FAM216A: variants seen among roughly 807,000 people sequenced by gnomAD.
FAM216A encodes the protein protein FAM216A.
Under a neutral mutation model 37.6 loss-of-function variants are expected in FAM216A, and 26 were observed. The observed-to-expected ratio is 0.69, with a 90% CI of 0.51 to 0.96. The LOEUF (loss-of-function observed/expected upper bound fraction) is 0.96, where lower values mean the gene tolerates loss of function less well. Ranked by LOEUF, FAM216A falls within the 40% of genes least tolerant of loss-of-function variation. The pLI, the probability that FAM216A is intolerant of heterozygous loss-of-function variation, is 0.00. For synonymous variants in FAM216A, 110 were observed against 121.7 expected, an observed-to-expected ratio of 0.90 and a Z score of 0.64; for missense variants, 326 against 339.3, an observed-to-expected ratio of 0.96 and a Z score of 0.31.
intron 2 of FAM216A, among the ~76,000 whole-genome samples, chr12:110,473,656 A>G (rs998108213): frequency 6.6e-6 from 1 of 152,204 alleles, no homozygotes; most frequent in Admixed American, 6.5e-5. Flanking sequence ...GTGAATCCTA[A>G]AAGAACTGTA....
At chr12:110,486,997 C>T (rs1388900376) in intron 5 of FAM216A, 2 of 348,510 alleles carry the variant, frequency 5.7e-6, no homozygotes, top group Non-Finnish European at 1.1e-5. Context: ...TCCCAAAGCA[C>T]TGGGATTACA....
intron 2 of FAM216A, among the ~76,000 whole-genome samples, chr12:110,481,344 T>C (rs1023226591): frequency 5.3e-5 from 8 of 152,142 alleles, no homozygotes; most frequent in Non-Finnish European, 1.0e-4. Flanking sequence ...GGCACTGCCA[T>C]ACTATTTTTC....
chr12:110,469,632 C>T (rs181417262), intron 1 of FAM216A, among the ~76,000 whole-genome samples: 4 of 152,170 alleles, frequency 2.6e-5, no homozygotes, highest in Admixed American at 2.6e-4. Context: ...GCCTCAGCCT[C>T]CCGAGTAGCT....
Position 110,486,515 on chromosome 12 carries a change from C to G in FAM216A, c.437-19C>G, listed in dbSNP as rs761801168. On this transcript the variant is annotated intron_variant, in intron 4 of 6. Transcript: ENST00000377673. ...TACAATTAGTGAGAGGGTCTTTTAACAGGTGATTTGTATCACAGGTGTCCT... is the reference window on the plus strand; with the variant it reads ...TACAATTAGTGAGAGGGTCTTTTAAGAGGTGATTTGTATCACAGGTGTCCT... The G allele has an allele frequency of 1.1e-5, 18 of 1,609,046 alleles. No homozygotes were observed.
At chr12:110,486,862 G>C in intron 5 of FAM216A, 145 bp downstream of exon 5, 1 of 710,566 alleles carries the variant, frequency 1.4e-6, no homozygotes. Context: ...CTCAAGCAAT[G>C]CTCCTGCCTC....
chr12:110,481,086 T>C (rs1414966200), intron 2 of FAM216A, among the ~76,000 whole-genome samples: 1 of 152,226 alleles, frequency 6.6e-6, no homozygotes, highest in Non-Finnish European at 1.5e-5. Context: ...TATTGTACCA[T>C]GTGTCTGAAT....
chr12:110,479,952 T>C (rs2062736653), intron 2 of FAM216A, among the ~76,000 whole-genome samples: 1 of 152,092 alleles, frequency 6.6e-6, no homozygotes, highest in African/African-American at 2.4e-5. Flanking sequence ...CCAAGCAGTA[T>C]ATTCAAAAGT....
chr12:110,480,021 T>C (rs543351249), intron 2 of FAM216A, among the ~76,000 whole-genome samples: 6 of 146,618 alleles, frequency 4.1e-5, no homozygotes, highest in African/African-American at 1.6e-4. Flanking sequence ...AATTTACTAT[T>C]TTAATCTTTT....
At chr12:110,485,371 G>C (rs924269570) in intron 3 of FAM216A, among the ~76,000 whole-genome samples, 172 bp downstream of exon 3, 1 of 152,092 alleles carries the variant, frequency 6.6e-6, no homozygotes, top group African/African-American at 2.4e-5. Context: ...TGAATGTAAA[G>C]ATTATACATT....
intron 2 of FAM216A, among the ~76,000 whole-genome samples, chr12:110,476,686 C>A (rs1292398256): frequency 2.0e-5 from 3 of 151,532 alleles, no homozygotes; most frequent in Non-Finnish European, 4.4e-5. Flanking sequence ...TGCCACCATG[C>A]CTGGCTAATT....
At chr12:110,469,081 G>C (rs1351863459) in intron 1 of FAM216A, 63 bp downstream of exon 1, 1 of 1,374,132 alleles carries the variant, frequency 7.3e-7, no homozygotes, top group Non-Finnish European at 9.4e-7. Flanking sequence ...GAGGCCCCCG[G>C]GTCGTGAGCC....
intron 2 of FAM216A, among the ~76,000 whole-genome samples, chr12:110,473,915 A>C (rs1046582969): frequency 6.6e-5 from 10 of 152,074 alleles, no homozygotes; most frequent in African/African-American, 2.4e-4. Context: ...TTGGGAGAGG[A>C]GCTGGAATTA....
At position 110,486,445 on chromosome 12, in the gene FAM216A, C is replaced by A; in HGVS notation, c.427C>A (p.Gln143Lys). 6.2e-7 allele frequency: 1 copy of A among 1,611,818 alleles called. No homozygotes were observed. The highest frequency in any genetic ancestry group is 8.5e-7 in the Non-Finnish European group (1 of 1,178,448). The change falls in exon 4 of 7, where the codon CAA becomes AAA. Residue 143 changes from glutamine (Q) to lysine (K), a missense_variant. Gln to Lys is a moderately conservative substitution (Grantham distance 53). Transcript: ENST00000377673. ...CATGCACGTACTTCAGCACAGCTCA[C>A]AAAAGCCAGGCAGGTGCACCTCCAG... Reference protein sequence around the residue: ...QYMHVLQHSSQKPGVLTHHRS... With the variant: ...QYMHVLQHSSKKPGVLTHHRS...
chr12:110,471,693 A>T (rs946849177), intron 1 of FAM216A, among the ~76,000 whole-genome samples: 1 of 152,246 alleles, frequency 6.6e-6, no homozygotes, highest in African/African-American at 2.4e-5. Flanking sequence ...AGAATTAAGA[A>T]GTTGGAATAC....
chr12:110,474,740 G>T (rs1174489209), intron 2 of FAM216A, among the ~76,000 whole-genome samples: 6 of 135,276 alleles, frequency 4.4e-5, no homozygotes, highest in African/African-American at 1.7e-4. Context: ...CGTGGCTCAC[G>T]CCTGTAATCC....
intron 1 of FAM216A, among the ~76,000 whole-genome samples, chr12:110,469,485 ATTTC>A (rs566606472): frequency 2.4e-4 from 37 of 151,734 alleles, no homozygotes; most frequent in African/African-American, 8.9e-4. Flanking sequence ...TCAAACGGGG[ATTTC>A]TTTTTCTTTT....
At chr12:110,486,197 G>A (rs1193676344) in intron 3 of FAM216A, 128 bp from the exon 4 acceptor site, 11 of 930,210 alleles carry the variant, frequency 1.2e-5, no homozygotes, top group African/African-American at 6.6e-5. Context: ...TCAAGTTAAC[G>A]TAGTTGAATT....
At chr12:110,480,089 G>C (rs1343419383) in intron 2 of FAM216A, among the ~76,000 whole-genome samples, 1 of 149,958 alleles carries the variant, frequency 6.7e-6, no homozygotes, top group Non-Finnish European at 1.5e-5. Context: ...GCAATGGCTC[G>C]ATCTCGGCTC....
Position 110,490,163 on chromosome 12 carries a change from G to C in FAM216A, c.*26G>C, listed in dbSNP as rs200432848. On this transcript the variant is annotated 3_prime_UTR_variant, in exon 7 of 7. Coordinates refer to ENST00000377673, the MANE Select transcript of FAM216A (RefSeq NM_013300.3). ...CAGTCTTGTCTCGTGTATTGAATTC[G>C]TGCCAAAGGTGAGGGTAAGGGGTTG... 4 of 1,123,574 alleles carry C rather than the reference G, an allele frequency of 3.6e-6. No homozygotes were observed. Among genetic ancestry groups the C allele is most frequent in the African/African-American group, 1.5e-5 (1 of 65,604 alleles). 69.6% of individuals were successfully genotyped at this position (1,123,574 alleles called of 1,614,324 possible). A position where few individuals can be genotyped will look rare whatever the true frequency, so the allele number is the denominator to read the frequency against.
Sources: allele counts gnomAD v4.1 joint callset (sites outside exome capture counted in the v4.1 genomes callset), GRCh38; gene constraint gnomAD v4.1.1; transcripts MANE v1.5; gene names NCBI Gene and HGNC (gene_info 2026-07-23, HGNC 2026-07-21).